Variants in TENM2 observed in about 807,000 individuals in gnomAD.
The protein encoded by TENM2 is teneurin transmembrane protein 2, also known as teneurin-2.
In TENM2, 52 loss-of-function variants were observed where a neutral mutation model predicts 245.2. The ratio of observed to expected loss-of-function variants is 0.21; its 90% CI spans 0.17 to 0.27. TENM2 has a LOEUF of 0.27. Among genes scored for constraint, TENM2 ranks in the 10% least tolerant of loss-of-function variants. TENM2 has a pLI of 1.00. For missense variants in TENM2, 3,046 were observed against 3,666.8 expected, an observed-to-expected ratio of 0.83 and a Z score of 4.37; for synonymous variants, 1,363 against 1,438.9, an observed-to-expected ratio of 0.95 and a Z score of 1.19.
intron 2 of TENM2, among the ~76,000 whole-genome samples, chr5:167,582,315 A>G (rs1018057797): frequency 6.6e-6 from 1 of 152,248 alleles, no homozygotes; most frequent in Non-Finnish European, 1.5e-5. Context: ...GTAATTGAGC[A>G]TATGTTTTTA....
intron 2 of TENM2, among the ~76,000 whole-genome samples, chr5:167,604,999 C>T (rs1449880201): frequency 6.6e-6 from 1 of 152,132 alleles, no homozygotes. Flanking sequence ...ATGGTTTGAT[C>T]AAAGACTTGG....
chr5:168,127,447 C>CA (rs1795937946), intron 12 of TENM2, among the ~76,000 whole-genome samples: 2 of 152,282 alleles, frequency 1.3e-5, no homozygotes, highest in East Asian at 3.9e-4. Context: ...TGAGATTCCC[C>CA]ATCACCACCA....
chr5:167,661,660 A>G (rs1320415694), intron 2 of TENM2, among the ~76,000 whole-genome samples: 2 of 152,218 alleles, frequency 1.3e-5, no homozygotes, highest in Admixed American at 6.5e-5. Context: ...CAGAAATAAG[A>G]ATTAATAAAT....
chr5:167,059,985 G>A, the TENM2 span, among the ~76,000 whole-genome samples: 1 of 152,070 alleles, frequency 6.6e-6, no homozygotes, highest in Non-Finnish European at 1.5e-5. Context: ...TTATGGGCAT[G>A]AGCCACCGTG....
the TENM2 span, among the ~76,000 whole-genome samples, chr5:167,070,157 G>A: frequency 1.0e-5 from 1 of 98,980 alleles, no homozygotes; most frequent in Non-Finnish European, 2.2e-5. Flanking sequence ...TCACTCTGTC[G>A]CCCAGGCTGG....
At chr5:167,072,130 A>G in the TENM2 span, among the ~76,000 whole-genome samples, 328 of 152,280 alleles carry the variant, frequency 2.2e-3, 6 homozygotes, top group East Asian at 0.038. Context: ...AGCTCATTAG[A>G]AAATCCTACA....
chr5:167,148,498 A>G, the TENM2 span, among the ~76,000 whole-genome samples: 1 of 152,228 alleles, frequency 6.6e-6, no homozygotes, highest in Non-Finnish European at 1.5e-5. Context: ...ATGTTTACAT[A>G]GACATCCAGG....
At chr5:167,923,118 G>A (rs1777495876) in intron 3 of TENM2, among the ~76,000 whole-genome samples, 1 of 152,184 alleles carries the variant, frequency 6.6e-6, no homozygotes, top group Non-Finnish European at 1.5e-5. Context: ...GAGTTCAGGA[G>A]TTTGAGATCA....
At chr5:167,491,642 C>G (rs1322901185) in intron 2 of TENM2, among the ~76,000 whole-genome samples, 1 of 152,138 alleles carries the variant, frequency 6.6e-6, no homozygotes, top group Non-Finnish European at 1.5e-5. Flanking sequence ...TGTGAATCTT[C>G]TGGTCTTTCT....
intron 2 of TENM2, among the ~76,000 whole-genome samples, chr5:167,794,280 A>C (rs955375267): frequency 6.6e-6 from 1 of 152,170 alleles, no homozygotes. Context: ...TACTTTGGGC[A>C]TGACAAATTA....
chr5:167,531,702 G>C (rs1225011844), intron 2 of TENM2, among the ~76,000 whole-genome samples: 11 of 148,768 alleles, frequency 7.4e-5, no homozygotes. Context: ...CAGATTCCAC[G>C]TGTAAGTGAG....
At chr5:167,604,072 T>G (rs1466689730) in intron 2 of TENM2, among the ~76,000 whole-genome samples, 3 of 152,172 alleles carry the variant, frequency 2.0e-5, no homozygotes, top group African/African-American at 7.2e-5. Context: ...ACTAGCCTTG[T>G]TTCTGATTTT....
the TENM2 span, among the ~76,000 whole-genome samples, chr5:167,102,097 G>A: frequency 1.3e-5 from 2 of 150,540 alleles, no homozygotes; most frequent in African/African-American, 4.9e-5. Context: ...GTGGTGGCAC[G>A]TGGCTGTAAT....
At chr5:167,712,162 C>A (rs1758955716) in intron 2 of TENM2, among the ~76,000 whole-genome samples, 1 of 152,052 alleles carries the variant, frequency 6.6e-6, no homozygotes, top group Non-Finnish European at 1.5e-5. Flanking sequence ...TGCTTTACTT[C>A]CATTTCTAAA....
chr5:167,947,812 C>A (rs1403272251), intron 3 of TENM2, among the ~76,000 whole-genome samples: 1 of 152,206 alleles, frequency 6.6e-6, no homozygotes, highest in African/African-American at 2.4e-5. Flanking sequence ...CAACCATTGG[C>A]ATGCCATTCC....
intron 2 of TENM2, among the ~76,000 whole-genome samples, chr5:167,868,834 A>G (rs1052197311): frequency 6.6e-6 from 1 of 152,040 alleles, no homozygotes; most frequent in African/African-American, 2.4e-5. Flanking sequence ...TACCTATGGT[A>G]CAGTCATGTA....
intron 2 of TENM2, among the ~76,000 whole-genome samples, chr5:167,551,761 C>T (rs1262864938): frequency 6.6e-6 from 1 of 152,124 alleles, no homozygotes; most frequent in Non-Finnish European, 1.5e-5. Flanking sequence ...CCATTGTGTG[C>T]CTTTGAGGGG....
intron 13 of TENM2, among the ~76,000 whole-genome samples, chr5:168,175,282 T>A (rs1759254688): frequency 6.6e-6 from 1 of 152,190 alleles, no homozygotes; most frequent in Non-Finnish European, 1.5e-5. Context: ...AGTTCAGAGA[T>A]TCTAAAAACA....
intron 10 of TENM2, among the ~76,000 whole-genome samples, chr5:168,119,585 T>C (rs892539321): frequency 6.6e-6 from 1 of 152,180 alleles, no homozygotes; most frequent in Non-Finnish European, 1.5e-5. Context: ...ATATAAAGAA[T>C]TGGCCACAGC....
Sources: allele counts gnomAD v4.1 joint callset (sites outside exome capture counted in the v4.1 genomes callset), GRCh38; gene constraint gnomAD v4.1.1; transcripts MANE v1.5; gene names NCBI Gene and HGNC (gene_info 2026-07-23, HGNC 2026-07-21).